The following STK35 variants were observed in gnomAD, a reference collection of about 807,000 sequenced individuals.
The protein encoded by STK35 is serine/threonine kinase 35.
Under a neutral mutation model 37.3 loss-of-function variants are expected in STK35, and 17 were observed. The observed-to-expected ratio is 0.46, with a 90% CI of 0.31 to 0.68. STK35 has a LOEUF of 0.68. Ranked by LOEUF, STK35 falls within the 30% of genes least tolerant of loss-of-function variation. The probability of loss-of-function intolerance (pLI) is 0.05; values close to 1 mark genes in which losing one functional copy is unlikely to be tolerated. For synonymous variants in STK35, 385 were observed against 319.1 expected, an observed-to-expected ratio of 1.21 and a Z score of -2.20; for missense variants, 595 against 746.7, an observed-to-expected ratio of 0.80 and a Z score of 2.37.
intron 3 of STK35, among the ~76,000 whole-genome samples, chr20:2,125,791 G>A (rs191736755): frequency 1.1e-4 from 17 of 152,356 alleles, no homozygotes; most frequent in Admixed American, 5.2e-4. Flanking sequence ...AGGTCTGGCA[G>A]CAGAGAAGGC....
intron 3 of STK35, among the ~76,000 whole-genome samples, chr20:2,133,360 C>T (rs1986031498): frequency 6.6e-6 from 1 of 152,224 alleles, no homozygotes; most frequent in Non-Finnish European, 1.5e-5. Context: ...CTGAACCTGT[C>T]TCTGGGGACC....
In STK35 at chr20:2,127,123, G is replaced by A. The variant is rs996284859; in HGVS notation, c.*37+9708G>A. Among the ~76,000 whole-genome samples, 16 of 152,080 alleles carry A rather than the reference G, an allele frequency of 1.1e-4. 1 individual carries two copies. Among genetic ancestry groups the A allele is most frequent in the African/African-American group, 3.1e-4 (13 of 41,368 alleles). On this transcript the variant is annotated intron_variant, in intron 3 of 3. Transcript: ENST00000381482. The stretch of plus-strand genomic sequence containing the variant: ...GGAGGCAGGTTGGCTTTGTTATATC[G>A]TGTTGGGTTTTAGTATTGATTATCT...
intron 3 of STK35, among the ~76,000 whole-genome samples, chr20:2,128,485 G>A (rs1267247388): frequency 6.6e-6 from 1 of 152,118 alleles, no homozygotes; most frequent in East Asian, 1.9e-4. Context: ...CGTGTTCCTA[G>A]TTCCATGGTG....
rs1203687022 is a variant in STK35 at position 2,102,077 on chromosome 20, G to T, written c.196G>T (p.Ala66Ser). The change falls in exon 1 of 4, where the codon GCT becomes TCT. Residue 66 changes from alanine (A) to serine (S), a missense_variant. By Grantham distance (99) the Ala-to-Ser change is moderately conservative. Transcript: ENST00000381482. ...GGCTCGGGCCGCCACCTCCCGCGCT[G>T]CTCGGTCCCGGAGGCAGCCCGGGCC... ...RRARAATSRAARSRRQPGPGA... is the reference protein window; with the variant it reads ...RRARAATSRASRSRRQPGPGA... The T allele has an allele frequency of 1.3e-6, 2 of 1,520,120 alleles. No individual in the cohort carries two copies. The highest frequency in any genetic ancestry group is 1.8e-6 in the Non-Finnish European group (2 of 1,138,578). 94.2% of individuals were successfully genotyped at this position (1,520,120 alleles called of 1,614,324 possible). A position where few individuals can be genotyped will look rare whatever the true frequency, so the allele number is the denominator to read the frequency against.
rs981202508 is a variant in STK35 at position 2,117,432 on chromosome 20, G to GTTGTTTT, written c.*37+32_*37+38dup. ...TTAAACTAGGTGAGTGCTCTCTGTTGTTGTTTTTTGTTTTTTGTTTTGAGA... is the reference window on the plus strand; with the variant it reads ...TTAAACTAGGTGAGTGCTCTCTGTTGTTGTTTTTTGTTTTTTGTTTTTTGTTTTGAGA... On this transcript the variant is annotated intron_variant, in intron 3 of 3. Coordinates refer to ENST00000381482, the MANE Select transcript of STK35 (RefSeq NM_080836.4). This position sits in a 1 kb window ranked among gnomAD's most constrained non-coding sequence, Gnocchi z 4.4. 4 of 1,442,902 alleles carry GTTGTTTT rather than the reference G, an allele frequency of 2.8e-6. No homozygotes were observed. The highest frequency in any genetic ancestry group is 4.6e-5 in the East Asian group (2 of 43,496). The allele number at this position is 1,442,902 out of a possible 1,614,324, so 89.4% of individuals were successfully genotyped here.
Position 2,116,847 on chromosome 20 carries a change from C to T in STK35, c.1074C>T (p.His358=), listed in dbSNP as rs1438949550. 14 of 1,614,052 alleles carry T rather than the reference C, an allele frequency of 8.7e-6. No individual in the cohort carries two copies. The highest frequency in any genetic ancestry group is 1.1e-5 in the Non-Finnish European group (13 of 1,180,036). ...TCCTGCACAAAAACCATATTGTGCA[C>T]AGGGACCTGAAGCCAGACAACATCC... ...IAFLHKNHIV[H]RDLKPDNILI... is the part of the protein sequence containing the mutation. The change falls in exon 3 of 4, where the codon CAC becomes CAT. Residue 358 remains histidine, a synonymous_variant. Coordinates refer to ENST00000381482, the MANE Select transcript of STK35 (RefSeq NM_080836.4).
At chr20:2,114,360 C>T (rs1251860343) in intron 2 of STK35, among the ~76,000 whole-genome samples, 2 of 152,106 alleles carry the variant, frequency 1.3e-5, no homozygotes, top group Non-Finnish European at 2.9e-5. Context: ...GGGAGGACCA[C>T]TTGAGCACAG....
chr20:2,129,457 C>T lies in STK35; in HGVS notation c.*37+12042C>T, dbSNP rs371670455. ...GTTCTCGGGCACGCTGATGGCAGAG[C>T]GAGAATTAGCATCTCGGAATGTGTG... On this transcript the variant is annotated intron_variant, in intron 3 of 3. Transcript: ENST00000381482. 5.3e-4 allele frequency among the ~76,000 whole-genome samples: 81 copies of T among 152,206 alleles called. 1 individual carries two copies. The Middle Eastern group carries it at 0.02, about 38-fold the overall frequency.
chr20:2,104,280 A>T (rs1985471263), intron 2 of STK35, among the ~76,000 whole-genome samples: 1 of 152,152 alleles, frequency 6.6e-6, no homozygotes, highest in South Asian at 2.1e-4. Context: ...GTTTGAGGAG[A>T]CTTTCCGAGG....
chr20:2,139,269 GTCT>G (rs2122587461), intron 3 of STK35, among the ~76,000 whole-genome samples: 1 of 152,284 alleles, frequency 6.6e-6, no homozygotes, highest in Admixed American at 6.5e-5. Flanking sequence ...CAGTTTCTCA[GTCT>G]TCTTAAACAG....
In STK35 at chr20:2,147,971, A is replaced by G. The variant is rs2122602213; in HGVS notation, c.*4225A>G. 6.6e-6 allele frequency: 1 copy of G among 152,234 alleles called. No individual in the cohort carries two copies. The highest frequency in any genetic ancestry group is 1.9e-4 in the East Asian group (1 of 5,168). 9.4% of individuals were successfully genotyped at this position (152,234 alleles called of 1,614,324 possible). On this transcript the variant is annotated 3_prime_UTR_variant, in exon 4 of 4. Coordinates refer to ENST00000381482, the MANE Select transcript of STK35 (RefSeq NM_080836.4). ...TAGGCTTCAAGGGGCTTCTGTCTGGAGAAATGCCCTCAAAGGGTAACCAGT... is the reference window on the plus strand; with the variant it reads ...TAGGCTTCAAGGGGCTTCTGTCTGGGGAAATGCCCTCAAAGGGTAACCAGT...
chr20:2,126,574 G>A (rs1985910396), intron 3 of STK35, among the ~76,000 whole-genome samples: 1 of 152,140 alleles, frequency 6.6e-6, no homozygotes, highest in Non-Finnish European at 1.5e-5. Flanking sequence ...CAGGACCTAG[G>A]GAGAGTGCCC....
chr20:2,141,355 C>G (rs1174382534), intron 3 of STK35, among the ~76,000 whole-genome samples: 1 of 152,112 alleles, frequency 6.6e-6, no homozygotes, highest in African/African-American at 2.4e-5. Flanking sequence ...AAGACTGGGC[C>G]CGAGAAATCC....
chr20:2,125,048 C>T (rs887113477), intron 3 of STK35, among the ~76,000 whole-genome samples: 8 of 152,202 alleles, frequency 5.3e-5, no homozygotes, highest in Non-Finnish European at 1.0e-4. Context: ...AGGCCTGGCC[C>T]GGGGCTGTTG....
At chr20:2,131,758 C>T (rs1033750667) in intron 3 of STK35, among the ~76,000 whole-genome samples, 2 of 151,546 alleles carry the variant, frequency 1.3e-5, no homozygotes, top group Non-Finnish European at 2.9e-5. Flanking sequence ...GCTCTGTCAC[C>T]CAGGCTGGAG....
At chr20:2,142,525 G>A (rs746679782) in intron 3 of STK35, among the ~76,000 whole-genome samples, 16 of 152,294 alleles carry the variant, frequency 1.1e-4, no homozygotes, top group African/African-American at 3.6e-4. Context: ...ATGGGCCAAG[G>A]TAGGTGGATC....
At chr20:2,116,606 TAAAAA>T in intron 2 of STK35, 55 bp from the exon 3 acceptor site, 3 of 1,532,438 alleles carry the variant, frequency 2.0e-6, no homozygotes, top group Non-Finnish European at 2.7e-6. Context: ...ATCCTTTAGT[TAAAAA>T]GAAGTGTGAC....
At chr20:2,109,956 A>G (rs1466236339) in intron 2 of STK35, among the ~76,000 whole-genome samples, 1 of 152,236 alleles carries the variant, frequency 6.6e-6, no homozygotes, top group African/African-American at 2.4e-5. Context: ...TCTTTTGGAC[A>G]CTGTGTTTTG....
At chr20:2,133,797 A>G (rs919261449) in intron 3 of STK35, among the ~76,000 whole-genome samples, 1 of 152,246 alleles carries the variant, frequency 6.6e-6, no homozygotes, top group Non-Finnish European at 1.5e-5. Flanking sequence ...TTAAAACAAT[A>G]TTAAGCAAGT....
Sources: gnomAD v4.1 joint callset for allele counts (sites outside exome capture counted in the v4.1 genomes callset) on GRCh38, gnomAD v4.1.1 for gene constraint, Gnocchi (gnomAD v3.1) non-coding constraint, MANE v1.5 for transcripts, NCBI Gene and HGNC (gene_info 2026-07-23, HGNC 2026-07-21) for gene names.